Variants in EDA observed in about 807,000 individuals in gnomAD.
The protein encoded by EDA is ectodysplasin A.
In EDA, 2 loss-of-function variants were observed where a neutral mutation model predicts 23.6. The ratio of observed to expected loss-of-function variants is 0.08; its 90% CI spans 0.03 to 0.27. The LOEUF (loss-of-function observed/expected upper bound fraction) is 0.27, where lower values mean the gene tolerates loss of function less well. EDA is among the 10% of genes least tolerant of loss of function. The probability of loss-of-function intolerance (pLI) is 1.00; values close to 1 mark genes in which losing one functional copy is unlikely to be tolerated. For missense variants in EDA, 229 were observed against 324.2 expected (o/e 0.71, Z 2.26); for synonymous variants, 131 against 132.0 (o/e 0.99, Z 0.05).
chrX:69,790,030 A>G (rs1231869269), intron 1 of EDA, among the ~76,000 whole-genome samples: 1 of 111,799 alleles, frequency 8.9e-6, no homozygotes, highest in Non-Finnish European at 1.9e-5. Context: ...CATCTTGAGC[A>G]TCTTGAGTAC....
At chrX:69,693,447 A>G (rs1263794460) in intron 1 of EDA, among the ~76,000 whole-genome samples, 1 of 111,700 alleles carries the variant, frequency 9.0e-6, no homozygotes, top group Non-Finnish European at 1.9e-5. Flanking sequence ...TATCGTTACT[A>G]TAATAACATT....
chrX:69,741,408 G>C (rs1458198634), intron 1 of EDA, among the ~76,000 whole-genome samples: 1 of 111,063 alleles, frequency 9.0e-6, no homozygotes, highest in Non-Finnish European at 1.9e-5. Flanking sequence ...GTAGTTCAGT[G>C]AAGTCTACTT....
intron 1 of EDA, among the ~76,000 whole-genome samples, chrX:69,889,021 T>TATATATATATATA (rs58327577): frequency 2.0e-3 from 149 of 73,441 alleles, no homozygotes; most frequent in South Asian, 2.9e-3. Flanking sequence ...TATATATATA[T>TATATATATATATA]TATGTTTTTC....
chrX:69,804,544 A>T (rs2015770004), intron 1 of EDA, among the ~76,000 whole-genome samples: 1 of 110,793 alleles, frequency 9.0e-6, no homozygotes, highest in African/African-American at 3.3e-5. Context: ...TTTAAACTAT[A>T]TTGGTAGTGT....
chrX:69,956,468 A>C (rs1321167493), intron 1 of EDA, among the ~76,000 whole-genome samples: 1 of 106,625 alleles, frequency 9.4e-6, no homozygotes, highest in African/African-American at 3.4e-5. Flanking sequence ...CAGCCTCCCC[A>C]GTAGCTGGGA....
intron 1 of EDA, among the ~76,000 whole-genome samples, chrX:69,785,805 C>T (rs987633095): frequency 1.9e-5 from 2 of 106,681 alleles, no homozygotes; most frequent in East Asian, 2.9e-4. Context: ...ATGCTGGCCT[C>T]ATAAAATGAG....
rs781295165 is a variant in EDA at position 69,761,633 on chromosome X, T to C, written c.396+144929T>C. Among the ~76,000 whole-genome samples the C allele has an allele frequency of 2.7e-5, 3 of 112,271 alleles. No homozygotes were observed. In the South Asian group the frequency reaches 1.1e-3, roughly 42 times the overall value. ...GGACAAGGTTAGAGTTTTGCCATCA[T>C]TATAAACATGAGTATTTTGCTTTGC... On this transcript the variant is annotated intron_variant, in intron 1 of 7. Transcript: ENST00000374552.
intron 1 of EDA, among the ~76,000 whole-genome samples, chrX:69,782,367 A>T (rs1405213122): frequency 6.1e-5 from 1 of 16,369 alleles, no homozygotes; most frequent in Non-Finnish European, 2.4e-4. Flanking sequence ...AAATGCTCTT[A>T]AAAAAAAAAA....
intron 1 of EDA, among the ~76,000 whole-genome samples, chrX:69,742,672 A>G (rs1312316802): frequency 9.0e-6 from 1 of 110,995 alleles, no homozygotes; most frequent in African/African-American, 3.3e-5. Context: ...TCTTTTCCTC[A>G]ACTTTTGGTA....
intron 2 of EDA, among the ~76,000 whole-genome samples, chrX:69,980,207 G>T (rs1035749792): frequency 9.0e-6 from 1 of 111,255 alleles, no homozygotes; most frequent in Non-Finnish European, 1.9e-5. Context: ...GGGTGACAAG[G>T]AGTCAATATT....
chrX:69,688,397 G>T (rs1436624789), intron 1 of EDA, among the ~76,000 whole-genome samples: 4 of 111,306 alleles, frequency 3.6e-5, no homozygotes, highest in Admixed American at 1.9e-4. Flanking sequence ...GCAAAGCCTG[G>T]TGCTTTTTAT....
At chrX:69,842,327 G>A (rs1030019525) in intron 1 of EDA, among the ~76,000 whole-genome samples, 3 of 111,810 alleles carry the variant, frequency 2.7e-5, no homozygotes, top group East Asian at 2.8e-4. Flanking sequence ...AGGAAAACAA[G>A]TTCTGGGCTC....
intron 1 of EDA, among the ~76,000 whole-genome samples, chrX:69,681,778 T>C (rs1364418402): frequency 9.0e-6 from 1 of 111,502 alleles, no homozygotes; most frequent in Non-Finnish European, 1.9e-5. Context: ...TGTCCTCCTG[T>C]AGCTCGGAGT....
At chrX:69,679,483 T>G (rs1365642769) in intron 1 of EDA, among the ~76,000 whole-genome samples, 3 of 111,887 alleles carry the variant, frequency 2.7e-5, no homozygotes, top group Non-Finnish European at 3.8e-5. Context: ...TATTGATTAT[T>G]GCCACAATTT....
chrX:69,785,402 C>G (rs1279469612), intron 1 of EDA, among the ~76,000 whole-genome samples: 2 of 88,143 alleles, frequency 2.3e-5, no homozygotes, highest in Non-Finnish European at 5.0e-5. Flanking sequence ...CAGTTTTTGC[C>G]CATTCAGTTT....
chrX:69,618,281 T>C (rs1389804855), intron 1 of EDA, among the ~76,000 whole-genome samples: 1 of 112,279 alleles, frequency 8.9e-6, no homozygotes, highest in East Asian at 2.8e-4. Flanking sequence ...AGAACAGCTG[T>C]ACTGTAAGGT....
At chrX:69,650,261 C>T (rs975268171) in intron 1 of EDA, among the ~76,000 whole-genome samples, 11 of 111,912 alleles carry the variant, frequency 9.8e-5, no homozygotes, top group African/African-American at 3.6e-4. Context: ...CTTTATGCCA[C>T]GTATGGTATA....
intron 6 of EDA, among the ~76,000 whole-genome samples, chrX:70,030,744 C>T (rs1325247489): frequency 1.8e-5 from 2 of 112,616 alleles, no homozygotes; most frequent in Non-Finnish European, 3.8e-5. Context: ...GATGACGGAG[C>T]TGAAAGGGAC....
chrX:69,721,546 T>G (rs2012581360), intron 1 of EDA, among the ~76,000 whole-genome samples: 1 of 111,305 alleles, frequency 9.0e-6, no homozygotes. Context: ...TTCCCCTGTC[T>G]GCTCATTGCT....
Sources: gnomAD v4.1 joint callset for allele counts (sites outside exome capture counted in the v4.1 genomes callset) on GRCh38, gnomAD v4.1.1 for gene constraint, MANE v1.5 for transcripts, NCBI Gene and HGNC (gene_info 2026-07-23, HGNC 2026-07-21) for gene names.